SDK1: variants seen among roughly 807,000 people sequenced by gnomAD.
SDK1 encodes the protein protein sidekick-1.
Under a neutral mutation model 245.5 loss-of-function variants are expected in SDK1, and 157 were observed. The ratio of observed to expected loss-of-function variants is 0.64; its 90% CI spans 0.56 to 0.73. SDK1 has a LOEUF of 0.73. Among genes scored for constraint, SDK1 ranks in the 30% least tolerant of loss-of-function variants. The pLI, the probability that SDK1 is intolerant of heterozygous loss-of-function variation, is 0.00. For missense variants in SDK1, 3,583 were observed against 3,002.3 expected (o/e 1.19, Z -4.52); for synonymous variants, 1,647 against 1,278.5 (o/e 1.29, Z -6.15).
intron 4 of SDK1, among the ~76,000 whole-genome samples, chr7:3,665,953 T>C (rs538426026): frequency 6.6e-6 from 1 of 152,148 alleles, no homozygotes; most frequent in East Asian, 1.9e-4. Flanking sequence ...CTTCCCACAA[T>C]TTCTCGGTTG....
chr7:3,570,511 C>G (rs566096542), intron 1 of SDK1, among the ~76,000 whole-genome samples: 36 of 152,296 alleles, frequency 2.4e-4, no homozygotes, highest in South Asian at 1.0e-3. Flanking sequence ...TAAGGGATCC[C>G]TTTCCCCCAA....
At chr7:3,466,416 G>A (rs949103289) in intron 1 of SDK1, among the ~76,000 whole-genome samples, 9 of 148,830 alleles carry the variant, frequency 6.0e-5, no homozygotes, top group African/African-American at 2.2e-4. Flanking sequence ...TGCTCACTTG[G>A]CTAACAAGGT....
At chr7:3,906,754 A>G (rs1170531445) in intron 5 of SDK1, among the ~76,000 whole-genome samples, 1 of 149,240 alleles carries the variant, frequency 6.7e-6, no homozygotes, top group Non-Finnish European at 1.5e-5. Context: ...CAGCCTCCTG[A>G]GTAGCTGGGA....
chr7:3,560,432 T>A (rs906571641), intron 1 of SDK1, among the ~76,000 whole-genome samples: 2 of 152,214 alleles, frequency 1.3e-5, no homozygotes, highest in African/African-American at 4.8e-5. Flanking sequence ...GTTTTGTTTT[T>A]TTTTAAACTT....
Position 4,061,249 on chromosome 7 carries a change from C to T in SDK1, c.2912-6589C>T, listed in dbSNP as rs1456631486. The stretch of plus-strand genomic sequence containing the variant: ...ACCTTGGGCAGTATGGCCATTTTCA[C>T]GATATTGATTCTTCCTACCCATGAG... On this transcript the variant is annotated intron_variant, in intron 19 of 44. Coordinates refer to ENST00000404826, the MANE Select transcript of SDK1 (RefSeq NM_152744.4). 7.9e-5 allele frequency among the ~76,000 whole-genome samples: 12 copies of T among 152,062 alleles called. No individual in the cohort carries two copies. In the East Asian group the frequency reaches 1.5e-3, roughly 20 times the overall value.
In SDK1 at chr7:4,149,293, G is replaced by T; in HGVS notation, c.4455G>T (p.Val1485=). 1.3e-6 allele frequency: 2 copies of T among 1,561,048 alleles called. No individual in the cohort carries two copies. Among genetic ancestry groups the T allele is most frequent in the Non-Finnish European group, 1.7e-6 (2 of 1,153,400 alleles). The change falls in exon 30 of 45, where the codon GTG becomes GTT. Residue 1485 remains valine, a synonymous_variant. Transcript: ENST00000404826. ...CGGCACCCCCCAGAGAGCTCCTGGT[G>T]CCCCAGGCAGAAGTGACCGCACGCA... ...ERPAPPRELL[V]PQAEVTARSL...
intron 14 of SDK1, among the ~76,000 whole-genome samples, chr7:4,006,062 G>C (rs1252047805): frequency 6.6e-6 from 1 of 152,100 alleles, no homozygotes. Context: ...GCGGGACCCT[G>C]TCTCAAAAAA....
At chr7:3,431,322 A>C (rs1235272036) in intron 1 of SDK1, among the ~76,000 whole-genome samples, 2 of 151,788 alleles carry the variant, frequency 1.3e-5, no homozygotes, top group Non-Finnish European at 2.9e-5. Flanking sequence ...GATATGAAGA[A>C]AGACCCCGGG....
chr7:4,121,478 C>A (rs1272347329), intron 25 of SDK1, among the ~76,000 whole-genome samples: 1 of 152,236 alleles, frequency 6.6e-6, no homozygotes, highest in African/African-American at 2.4e-5. Context: ...TTCTCTCCTG[C>A]TGGCATGTGA....
At chr7:3,774,084 G>A (rs916194776) in intron 4 of SDK1, among the ~76,000 whole-genome samples, 6 of 151,954 alleles carry the variant, frequency 3.9e-5, no homozygotes, top group South Asian at 4.2e-4. Flanking sequence ...GCATGGTGGC[G>A]GGTGCCTGTA....
chr7:3,926,751 G>T (rs951460973), intron 5 of SDK1, among the ~76,000 whole-genome samples: 2 of 152,186 alleles, frequency 1.3e-5, no homozygotes, highest in African/African-American at 4.8e-5. Context: ...GACTCCGTAA[G>T]GCACGGTGGT....
intron 22 of SDK1, among the ~76,000 whole-genome samples, chr7:4,102,269 C>T (rs534711545): frequency 6.6e-6 from 1 of 152,252 alleles, no homozygotes; most frequent in East Asian, 1.9e-4. Context: ...AGGGGCCCTC[C>T]AGCCACCTCC....
chr7:3,377,598 T>C (rs912716462), intron 1 of SDK1, among the ~76,000 whole-genome samples: 7 of 152,120 alleles, frequency 4.6e-5, no homozygotes, highest in Non-Finnish European at 1.0e-4. Flanking sequence ...GTGTCTGTTG[T>C]AACAGTTCTG....
chr7:3,523,493 C>T (rs1783013814), intron 1 of SDK1, among the ~76,000 whole-genome samples: 1 of 152,158 alleles, frequency 6.6e-6, no homozygotes, highest in Admixed American at 6.5e-5. Flanking sequence ...CTTTCTACCC[C>T]TCTCTGCCTG....
chr7:3,760,333 T>G (rs1780059197), intron 4 of SDK1, among the ~76,000 whole-genome samples: 1 of 152,208 alleles, frequency 6.6e-6, no homozygotes, highest in Non-Finnish European at 1.5e-5. Context: ...CACAGCAATG[T>G]GCATGCATAC....
intron 43 of SDK1, among the ~76,000 whole-genome samples, chr7:4,243,561 C>T (rs778698033): frequency 6.6e-6 from 1 of 152,314 alleles, no homozygotes; most frequent in South Asian, 2.1e-4. Context: ...TCACGTCTTA[C>T]GTGGTGGCAG....
intron 36 of SDK1, among the ~76,000 whole-genome samples, chr7:4,206,484 G>A (rs1784233951): frequency 6.6e-6 from 1 of 152,180 alleles, no homozygotes; most frequent in Non-Finnish European, 1.5e-5. Context: ...TTCCTCACAA[G>A]GTCCCAGATG....
intron 2 of SDK1, among the ~76,000 whole-genome samples, chr7:3,627,726 C>T (rs1156997289): frequency 1.3e-5 from 2 of 152,140 alleles, no homozygotes; most frequent in South Asian, 2.1e-4. Context: ...ATTGATGTCC[C>T]ATTTTATTAG....
chr7:3,506,572 A>G (rs967843147), intron 1 of SDK1, among the ~76,000 whole-genome samples: 1 of 152,172 alleles, frequency 6.6e-6, no homozygotes, highest in Admixed American at 6.6e-5. Flanking sequence ...GATGACATGC[A>G]TATTATATTA....
Sources: gnomAD v4.1 joint callset for allele counts (sites outside exome capture counted in the v4.1 genomes callset) on GRCh38, gnomAD v4.1.1 for gene constraint, MANE v1.5 for transcripts, NCBI Gene and HGNC (gene_info 2026-07-23, HGNC 2026-07-21) for gene names.